Variants in CFAP61 observed in about 807,000 individuals in gnomAD.
CFAP61 encodes the protein cilia and flagella associated protein 61.
A neutral mutation model predicts 135.6 loss-of-function variants in CFAP61; 107 were observed. The ratio of observed to expected loss-of-function variants is 0.79; its 90% CI spans 0.67 to 0.93. CFAP61 has a LOEUF of 0.93. Among genes scored for constraint, CFAP61 ranks in the 40% least tolerant of loss-of-function variants. The pLI, the probability that CFAP61 is intolerant of heterozygous loss-of-function variation, is 0.00. For missense variants in CFAP61, 1,507 were observed against 1,556.2 expected, an observed-to-expected ratio of 0.97 and a Z score of 0.53; for synonymous variants, 575 against 578.5, an observed-to-expected ratio of 0.99 and a Z score of 0.09.
At chr20:20,337,620 GTGGA>G in intron 25 of CFAP61, among the ~76,000 whole-genome samples, 1 of 2,982 alleles carries the variant, frequency 3.4e-4, no homozygotes, top group South Asian at 0.019. Flanking sequence ...GGGTGGGTGG[GTGGA>G]TGGATGGATG....
At chr20:20,053,734 TCA>T (rs2043973101) in intron 1 of CFAP61, among the ~76,000 whole-genome samples, 1 of 152,234 alleles carries the variant, frequency 6.6e-6, no homozygotes, top group African/African-American at 2.4e-5. Flanking sequence ...ATATTTTATC[TCA>T]CTTTTCAAAA....
At chr20:20,332,397 C>G (rs2058034449) in intron 25 of CFAP61, among the ~76,000 whole-genome samples, 1 of 152,196 alleles carries the variant, frequency 6.6e-6, no homozygotes, top group South Asian at 2.1e-4. Context: ...ATGCCTGGGC[C>G]TTAATTCCGG....
intron 13 of CFAP61, chr20:20,172,237 G>A: frequency 1.0e-6 from 1 of 979,328 alleles, no homozygotes; most frequent in Non-Finnish European, 1.2e-6. Context: ...CTGGGAAACA[G>A]GACTGGGAAT....
intron 8 of CFAP61, among the ~76,000 whole-genome samples, chr20:20,109,236 G>A (rs2048625783): frequency 6.6e-6 from 1 of 152,054 alleles, no homozygotes; most frequent in Non-Finnish European, 1.5e-5. Flanking sequence ...GACTCTTTTA[G>A]GTAAAAATTA....
Position 20,090,909 on chromosome 20 carries a change from AC to A in CFAP61, c.633del (p.Tyr211Ter), listed in dbSNP as rs768094949. 6.2e-7 allele frequency: 1 copy of A among 1,614,148 alleles called. No individual in the cohort carries two copies. The highest frequency in any genetic ancestry group is 1.7e-5 in the Admixed American group (1 of 60,020). On this transcript the variant is annotated frameshift_variant, in exon 7 of 27. Transcript: ENST00000245957. LOFTEE classifies it high-confidence loss of function. ...MRYDTILKET[Y>X]GEYFLAELIE... is the part of the protein sequence containing the mutation. Reference sequence around the variant, plus strand: ...TATGACACAATTCTGAAGGAAACTTACGGTGAATACTTCCTGGCCGAACTAA... The same window carrying A: ...TATGACACAATTCTGAAGGAAACTTAGGTGAATACTTCCTGGCCGAACTAA...
At chr20:20,158,792 G>T (rs1181358495) in intron 9 of CFAP61, among the ~76,000 whole-genome samples, 2 of 152,198 alleles carry the variant, frequency 1.3e-5, no homozygotes, top group Admixed American at 6.5e-5. Context: ...CTTGGGGGGC[G>T]ATGTGTCATG....
chr20:20,324,331 T>G (rs1010960617), intron 25 of CFAP61, among the ~76,000 whole-genome samples: 6 of 152,180 alleles, frequency 3.9e-5, no homozygotes, highest in African/African-American at 1.4e-4. Flanking sequence ...CAGTCTCAGT[T>G]TGTGAATATG....
chr20:20,196,183 G>A (rs999633709), intron 15 of CFAP61, among the ~76,000 whole-genome samples: 3 of 152,198 alleles, frequency 2.0e-5, no homozygotes, highest in Admixed American at 2.0e-4. Flanking sequence ...CTGTTTGCCC[G>A]ACTCCTGAAT....
chr20:20,080,082 A>T (rs1221155702), intron 6 of CFAP61, among the ~76,000 whole-genome samples: 1 of 152,152 alleles, frequency 6.6e-6, no homozygotes, highest in Admixed American at 6.5e-5. Context: ...CTCATTTTTT[A>T]TGCCATTTAC....
chr20:20,169,529 C>T lies in CFAP61; in HGVS notation c.1385+69C>T, dbSNP rs1444016368. The T allele has an allele frequency of 3.0e-6, 4 of 1,311,730 alleles. No individual in the cohort carries two copies. In the African/African-American group the frequency reaches 6.0e-5, roughly 20 times the overall value. The allele number at this position is 1,311,730 out of a possible 1,614,324, so 81.3% of individuals were successfully genotyped here. ...CAGAAGAGAAGGGAACAAGGAACTC[C>T]CTGCTATTATAATTTAATAATTTAT... On this transcript the variant is annotated intron_variant, in intron 13 of 26. Transcript: ENST00000245957.
intron 18 of CFAP61, chr20:20,232,986 G>C (rs2049271790): frequency 6.6e-6 from 1 of 152,220 alleles, no homozygotes; most frequent in African/African-American, 2.4e-5. Flanking sequence ...TCCAGCAAAA[G>C]ATGCAGCCTC....
At chr20:20,106,000 C>CTATACATATATATATATATA (rs1277233037) in intron 8 of CFAP61, among the ~76,000 whole-genome samples, 11 of 102,650 alleles carry the variant, frequency 1.1e-4, no homozygotes, top group South Asian at 2.9e-4. Flanking sequence ...CTACTCTTGC[C>CTATACATATATATATATATA]TATATATATA....
chr20:20,354,693 GAAAA>G (rs1460136669), intron 26 of CFAP61, among the ~76,000 whole-genome samples: 2 of 151,658 alleles, frequency 1.3e-5, no homozygotes, highest in Non-Finnish European at 2.9e-5. Flanking sequence ...CATTGTGAGA[GAAAA>G]AGTGATCACA....
At chr20:20,253,774 C>T (rs926464712) in intron 20 of CFAP61, 7 of 237,582 alleles carry the variant, frequency 2.9e-5, no homozygotes, top group African/African-American at 1.6e-4. Context: ...AGGTGTTCTT[C>T]AATGAACACG....
At chr20:20,319,236 AC>A (rs1313143394) in intron 25 of CFAP61, among the ~76,000 whole-genome samples, 2 of 152,260 alleles carry the variant, frequency 1.3e-5, no homozygotes, top group African/African-American at 4.8e-5. Context: ...AAAGCAGGTC[AC>A]TTAGAAAGGA....
At chr20:20,305,754 G>A (rs955515362) in intron 25 of CFAP61, among the ~76,000 whole-genome samples, 1 of 152,112 alleles carries the variant, frequency 6.6e-6, no homozygotes, top group Non-Finnish European at 1.5e-5. Context: ...TCTTCCTTTT[G>A]CTTCCCACTC....
At chr20:20,272,966 C>T (rs2053473174) in intron 21 of CFAP61, among the ~76,000 whole-genome samples, 1 of 152,034 alleles carries the variant, frequency 6.6e-6, no homozygotes, top group African/African-American at 2.4e-5. Context: ...GTGGAAATCT[C>T]TCAAACTTCT....
intron 8 of CFAP61, among the ~76,000 whole-genome samples, chr20:20,116,815 C>A (rs2049179200): frequency 1.3e-5 from 2 of 152,060 alleles, no homozygotes; most frequent in African/African-American, 4.8e-5. Context: ...ATGAGATCCA[C>A]TTTTTTAGTT....
At chr20:20,248,240 C>T (rs577010490) in intron 19 of CFAP61, among the ~76,000 whole-genome samples, 6 of 152,280 alleles carry the variant, frequency 3.9e-5, no homozygotes, top group Middle Eastern at 3.4e-3. Flanking sequence ...TGCATGTCAT[C>T]ACATTTCTTA....
Sources: allele counts gnomAD v4.1 joint callset (sites outside exome capture counted in the v4.1 genomes callset), GRCh38; gene constraint gnomAD v4.1.1; transcripts MANE v1.5; gene names NCBI Gene and HGNC (gene_info 2026-07-23, HGNC 2026-07-21).